Variants in SATB2 observed in about 807,000 individuals in gnomAD.
SATB2 encodes DNA-binding protein SATB2.
A neutral mutation model predicts 73.4 loss-of-function variants in SATB2; 1 was observed. That is an observed-to-expected ratio of 0.01 (90% CI 0.00 to 0.06). SATB2 has a LOEUF of 0.06. Among genes scored for constraint, SATB2 ranks in the 10% least tolerant of loss-of-function variants. The probability of loss-of-function intolerance (pLI) is 1.00; values close to 1 mark genes in which losing one functional copy is unlikely to be tolerated. For synonymous variants in SATB2, 397 were observed against 367.0 expected, an observed-to-expected ratio of 1.08 and a Z score of -0.93; for missense variants, 459 against 945.8, an observed-to-expected ratio of 0.49 and a Z score of 6.75.
intron 2 of SATB2, among the ~76,000 whole-genome samples, chr2:199,449,596 C>T (rs904611577): frequency 3.3e-5 from 5 of 152,084 alleles, no homozygotes; most frequent in African/African-American, 1.2e-4. Context: ...TACAACTGTG[C>T]TTTTTTCAAA....
chr2:199,458,844 C>A (rs573528123), upstream of SATB2: 930 of 301,074 alleles, frequency 3.1e-3, 4 homozygotes, highest in Non-Finnish European at 4.1e-3. Context: ...CCGAGCCGAA[C>A]GTCCCGGCCC....
At position 199,368,710 on chromosome 2, in the gene SATB2, GA is replaced by G. The variant is rs199978702; in HGVS notation, c.598-4del. ...TTTACAATGGATGAAATCATACTCT[GA>G]AAAAAAAAATTATAGTTATTTTTTC... is the stretch of plus-strand genomic sequence containing the variant. On this transcript the variant is annotated splice_polypyrimidine_tract_variant and splice_region_variant and intron_variant, in intron 5 of 10. Coordinates refer to ENST00000417098, the MANE Select transcript of SATB2 (RefSeq NM_001172509.2). 691 of 1,465,334 alleles carry G rather than the reference GA, an allele frequency of 4.7e-4. No individual in the cohort carries two copies. The highest frequency in any genetic ancestry group is 5.5e-4 in the Non-Finnish European group (591 of 1,066,106). The allele number at this position is 1,465,334 out of a possible 1,614,324, so 90.8% of individuals were successfully genotyped here.
At chr2:199,456,246 G>A in intron 1 of SATB2, 150 bp from the exon 2 acceptor site, 1 of 648,420 alleles carries the variant, frequency 1.5e-6, no homozygotes, top group Non-Finnish European at 2.7e-6. Context: ...GAGCCGGGAA[G>A]CCGGTCCCAA....
chr2:199,344,887 C>T (rs1310283896), intron 7 of SATB2, among the ~76,000 whole-genome samples: 2 of 152,214 alleles, frequency 1.3e-5, no homozygotes, highest in African/African-American at 2.4e-5. Flanking sequence ...GGCTCCTGTC[C>T]CCACTACTTT....
In SATB2 at chr2:199,338,229, A is replaced by G. The variant is rs1409726829; in HGVS notation, c.1174-9319T>C. Among the ~76,000 whole-genome samples, 3 of 152,106 alleles carry G rather than the reference A, an allele frequency of 2.0e-5. No individual in the cohort carries two copies. In the East Asian group the frequency reaches 5.8e-4, roughly 29 times the overall value. The stretch of plus-strand genomic sequence containing the variant: ...AAATACAAAAAAAAATTAGCCATGC[A>G]TGGTGACACATGGCTGTAATCCCAG... On this transcript the variant is annotated intron_variant, in intron 7 of 10. Transcript: ENST00000417098.
chr2:199,432,670 T>A (rs761878738), intron 3 of SATB2, among the ~76,000 whole-genome samples: 1 of 152,142 alleles, frequency 6.6e-6, no homozygotes, highest in Admixed American at 6.5e-5. Context: ...AGAATTTTTG[T>A]TATTATTTGT....
intron 5 of SATB2, among the ~76,000 whole-genome samples, chr2:199,370,967 A>G (rs947924416): frequency 1.4e-5 from 2 of 146,540 alleles, no homozygotes; most frequent in Non-Finnish European, 3.0e-5. Context: ...AAAAAAAAAA[A>G]GTAGCAAACA....
chr2:199,416,228 CTG>C (rs1690978158), intron 3 of SATB2, among the ~76,000 whole-genome samples: 1 of 152,096 alleles, frequency 6.6e-6, no homozygotes, highest in African/African-American at 2.4e-5. Flanking sequence ...TTGTAGGAAA[CTG>C]AATGAATTTT....
intron 3 of SATB2, among the ~76,000 whole-genome samples, chr2:199,409,890 C>T (rs1166101165): frequency 6.6e-6 from 1 of 152,098 alleles, no homozygotes; most frequent in African/African-American, 2.4e-5. Context: ...TGTAATGATA[C>T]TCCTGCTAAG....
chr2:199,370,729 A>G (rs1200018283), intron 5 of SATB2, among the ~76,000 whole-genome samples: 3 of 151,986 alleles, frequency 2.0e-5, no homozygotes, highest in Non-Finnish European at 4.4e-5. Flanking sequence ...TATATCTTCA[A>G]TTGACCCTGC....
Position 199,463,834 on chromosome 2 carries a change from C to A in SATB2, c.-141+1002G>T, listed in dbSNP as rs1360774585. 6.6e-6 allele frequency among the ~76,000 whole-genome samples: 1 copy of A among 152,222 alleles called. No homozygotes were observed. Among genetic ancestry groups the A allele is most frequent in the Non-Finnish European group, 1.5e-5 (1 of 68,040 alleles). On this transcript the variant is annotated intron_variant, in intron 1 of 11. Coordinates refer to the SATB2 transcript ENST00000260926. The surrounding 1 kb of genome is among the most constrained non-coding windows in gnomAD (Gnocchi z 6.4). ...AGCACCCGGTCCGCACCCCAAATTT[C>A]AGGCAGGCCAGCAGGCGTCCAGAAA...
intron 2 of SATB2, among the ~76,000 whole-genome samples, chr2:199,437,942 C>T (rs2105934094): frequency 6.6e-6 from 1 of 152,000 alleles, no homozygotes; most frequent in South Asian, 2.1e-4. Flanking sequence ...TTTAACATGC[C>T]CCATGGCAAA....
chr2:199,315,721 G>A (rs927401439), intron 9 of SATB2, among the ~76,000 whole-genome samples: 4 of 152,016 alleles, frequency 2.6e-5, no homozygotes, highest in African/African-American at 9.7e-5. Context: ...CTAAACACAA[G>A]TTCATAGCCT....
At chr2:199,460,583 C>T (rs1286668969), upstream of SATB2, 1 of 152,296 alleles carries the variant, frequency 6.6e-6, no homozygotes, top group Admixed American at 6.5e-5. The surrounding 1 kb of genome is among the most constrained non-coding windows in gnomAD (Gnocchi z 4.0). Context: ...TCTGATTCGT[C>T]ACTATTATTA....
intron 3 of SATB2, among the ~76,000 whole-genome samples, chr2:199,411,442 A>G (rs550140031): frequency 6.6e-6 from 1 of 152,332 alleles, no homozygotes; most frequent in African/African-American, 2.4e-5. Flanking sequence ...CATTTTTTCA[A>G]CGAATACTAT....
At chr2:199,327,730 C>G (rs1432475680) in intron 8 of SATB2, among the ~76,000 whole-genome samples, 1 of 152,028 alleles carries the variant, frequency 6.6e-6, no homozygotes, top group Non-Finnish European at 1.5e-5. Flanking sequence ...GAATACTTTT[C>G]AAGTGTGTGG....
At chr2:199,394,771 G>A (rs1309502713) in intron 3 of SATB2, among the ~76,000 whole-genome samples, 1 of 152,096 alleles carries the variant, frequency 6.6e-6, no homozygotes, top group Non-Finnish European at 1.5e-5. Flanking sequence ...CTGCAAAGGG[G>A]TCCCAAGAGC....
chr2:199,300,375 C>CA (rs754863048), intron 10 of SATB2, among the ~76,000 whole-genome samples: 291 of 104,648 alleles, frequency 2.8e-3, no homozygotes, highest in African/African-American at 3.5e-3. Context: ...ACCAAAATGT[C>CA]AAAAAAAAAA....
chr2:199,456,203 C>A, intron 1 of SATB2, 107 bp from the exon 2 acceptor site: 1 of 725,204 alleles, frequency 1.4e-6, no homozygotes, highest in South Asian at 1.7e-5. Context: ...ACCACAGCCA[C>A]ACAAACTTCC....
Sources: allele counts gnomAD v4.1 joint callset (sites outside exome capture counted in the v4.1 genomes callset), GRCh38; gene constraint gnomAD v4.1.1; non-coding constraint Gnocchi (gnomAD v3.1); transcripts MANE v1.5; gene names NCBI Gene and HGNC (gene_info 2026-07-23, HGNC 2026-07-21).